Variants in KITLG observed in about 807,000 individuals in gnomAD.
The protein encoded by KITLG is c-Kit ligand.
A neutral mutation model predicts 34.1 loss-of-function variants in KITLG; 13 were observed. That is an observed-to-expected ratio of 0.38 (90% CI 0.25 to 0.61). The LOEUF (loss-of-function observed/expected upper bound fraction) is 0.61. Ranked by LOEUF, KITLG falls within the 20% of genes least tolerant of loss-of-function variation. The pLI is 0.60. For missense variants in KITLG, 292 were observed against 318.9 expected (o/e 0.92, Z 0.64); for synonymous variants, 110 against 104.0 (o/e 1.06, Z -0.35).
chr12:88,523,675 C>T (rs534188235), intron 3 of KITLG, among the ~76,000 whole-genome samples: 2 of 152,198 alleles, frequency 1.3e-5, no homozygotes, highest in South Asian at 4.1e-4. Flanking sequence ...CTCAAACATT[C>T]CATGGGCAGG....
chr12:88,580,228 G>C lies in KITLG; in HGVS notation c.15+36C>G, dbSNP rs779660052. The C allele has an allele frequency of 1.9e-6, 3 of 1,596,766 alleles. No homozygotes were observed. In the East Asian group the frequency reaches 6.8e-5, roughly 36 times the overall value. On this transcript the variant is annotated intron_variant, in intron 1 of 9. Coordinates refer to ENST00000644744, the MANE Select transcript of KITLG (RefSeq NM_000899.5). ...CGGGGCACCGGGCGCGATTTTTCCTGGAGAGCCTGGGAGCTCCCGGGCGCG... is the reference window on the plus strand; with the variant it reads ...CGGGGCACCGGGCGCGATTTTTCCTCGAGAGCCTGGGAGCTCCCGGGCGCG...
intron 8 of KITLG, among the ~76,000 whole-genome samples, chr12:88,505,989 T>C (rs1869042492): frequency 6.6e-6 from 1 of 152,250 alleles, no homozygotes; most frequent in South Asian, 2.1e-4. Context: ...AGACAGAACA[T>C]GAGCAAATGT....
chr12:88,542,014 A>T (rs1326889180), intron 2 of KITLG, among the ~76,000 whole-genome samples: 1 of 152,200 alleles, frequency 6.6e-6, no homozygotes, highest in Non-Finnish European at 1.5e-5. Context: ...CTGTCAGGCC[A>T]CTTTCTTTCC....
chr12:88,552,043 A>C (rs1477339702), intron 1 of KITLG, among the ~76,000 whole-genome samples: 1 of 152,162 alleles, frequency 6.6e-6, no homozygotes, highest in East Asian at 1.9e-4. Context: ...CAAGAAATGT[A>C]GGCAGCTTCT....
chr12:88,545,824 A>G lies in KITLG; in HGVS notation c.57T>C (p.Phe19=). The G allele has an allele frequency of 6.2e-7, 1 of 1,612,782 alleles. No homozygotes were observed. Among genetic ancestry groups the G allele is most frequent in the Non-Finnish European group, 8.5e-7 (1 of 1,178,864 alleles). ...LTCIYLQLLL[F]NPLVKTEGIC... is the part of the protein sequence containing the mutation. ...TCCCTTCAGTTTTGACGAGAGGATT[A>G]AATAGGAGCAGCTGAAGATAAATGC... Residue 19 remains phenylalanine (F), a synonymous_variant, in exon 2 of 10, where the codon TTT becomes TTC. Transcript: ENST00000644744.
At chr12:88,557,948 A>G (rs1566033721) in intron 1 of KITLG, among the ~76,000 whole-genome samples, 2 of 152,166 alleles carry the variant, frequency 1.3e-5, no homozygotes, top group Admixed American at 1.3e-4. Flanking sequence ...AACATAAATC[A>G]TAATTTATAC....
At chr12:88,523,527 T>C (rs1353217713) in intron 3 of KITLG, among the ~76,000 whole-genome samples, 1 of 152,226 alleles carries the variant, frequency 6.6e-6, no homozygotes, top group African/African-American at 2.4e-5. Flanking sequence ...AATGGTTCTT[T>C]CTGTTTCATT....
chr12:88,530,833 G>A (rs1216418366), intron 3 of KITLG, among the ~76,000 whole-genome samples: 2 of 152,160 alleles, frequency 1.3e-5, no homozygotes, highest in African/African-American at 4.8e-5. Flanking sequence ...AAGAAATGTA[G>A]CTTTGACATT....
intron 3 of KITLG, among the ~76,000 whole-genome samples, chr12:88,522,472 C>T (rs889948087): frequency 6.7e-6 from 1 of 149,806 alleles, no homozygotes; most frequent in Non-Finnish European, 1.5e-5. Flanking sequence ...TTCTCGCCCA[C>T]GCTGGAGTGC....
Position 88,493,516 on chromosome 12 carries a change from T to C in KITLG, c.*3703A>G, listed in dbSNP as rs1440742771. 1 of 152,102 alleles carries C rather than the reference T, an allele frequency of 6.6e-6. No individual in the cohort carries two copies. Among genetic ancestry groups the C allele is most frequent in the Non-Finnish European group, 1.5e-5 (1 of 67,882 alleles). The allele number at this position is 152,102 out of a possible 1,614,324, so 9.4% of individuals were successfully genotyped here. On this transcript the variant is annotated 3_prime_UTR_variant, in exon 10 of 10. Coordinates refer to ENST00000644744, the MANE Select transcript of KITLG (RefSeq NM_000899.5). ...GAGCTAATTAGAATTTCAATCTGAA[T>C]GGTTTTATTTTAAAGCCAATTTCAA...
intron 1 of KITLG, among the ~76,000 whole-genome samples, chr12:88,551,997 T>A (rs1403687261): frequency 6.6e-6 from 1 of 152,008 alleles, no homozygotes; most frequent in Non-Finnish European, 1.5e-5. Context: ...AACATGTCCT[T>A]GCTGGCATTG....
At chr12:88,498,562 AC>A (rs1311915096) in intron 9 of KITLG, among the ~76,000 whole-genome samples, 3 of 152,156 alleles carry the variant, frequency 2.0e-5, no homozygotes, top group Admixed American at 6.6e-5. Flanking sequence ...ATAATTGGAA[AC>A]ACAAAGCTTA....
At chr12:88,513,357 G>C (rs1409688456) in intron 6 of KITLG, among the ~76,000 whole-genome samples, 1 of 151,344 alleles carries the variant, frequency 6.6e-6, no homozygotes, top group African/African-American at 2.4e-5. Flanking sequence ...TAGAAATAAG[G>C]AACAGAAGGT....
intron 2 of KITLG, among the ~76,000 whole-genome samples, chr12:88,537,984 T>C (rs1015219879): frequency 2.0e-5 from 3 of 152,154 alleles, no homozygotes; most frequent in Admixed American, 1.3e-4. Context: ...GGCAAGTCAC[T>C]TCATCTACTT....
intron 6 of KITLG, among the ~76,000 whole-genome samples, chr12:88,512,362 A>C (rs1176308831): frequency 6.6e-6 from 1 of 152,114 alleles, no homozygotes; most frequent in Non-Finnish European, 1.5e-5. Flanking sequence ...GAACACAGAG[A>C]AAAGAGGATA....
chr12:88,511,492 T>C (rs1225549130), intron 6 of KITLG, among the ~76,000 whole-genome samples: 1 of 152,034 alleles, frequency 6.6e-6, no homozygotes, highest in Non-Finnish European at 1.5e-5. Context: ...GAGATTGAAG[T>C]TCAGGGCTGC....
At chr12:88,567,846 A>T (rs968138070) in intron 1 of KITLG, among the ~76,000 whole-genome samples, 1 of 152,206 alleles carries the variant, frequency 6.6e-6, no homozygotes, top group South Asian at 2.1e-4. Flanking sequence ...TGAGAAAATC[A>T]GAATGTTATC....
chr12:88,532,533 G>A, intron 2 of KITLG, 30 bp from the exon 3 acceptor site: 3 of 1,475,436 alleles, frequency 2.0e-6, no homozygotes, highest in Non-Finnish European at 2.8e-6. Context: ...AATTCCATAA[G>A]AAAATTCTTA....
At chr12:88,503,161 CAGAGTGTGT>C (rs1868930421) in intron 9 of KITLG, among the ~76,000 whole-genome samples, 1 of 152,146 alleles carries the variant, frequency 6.6e-6, no homozygotes, top group Admixed American at 6.6e-5. Context: ...GTAAAAGTGA[CAGAGTGTGT>C]AGAATAAAGT....
Sources: allele counts gnomAD v4.1 joint callset (sites outside exome capture counted in the v4.1 genomes callset), GRCh38; gene constraint gnomAD v4.1.1; transcripts MANE v1.5; gene names NCBI Gene and HGNC (gene_info 2026-07-23, HGNC 2026-07-21).